Variants in CYTH3 observed in about 807,000 individuals in gnomAD.
The protein encoded by CYTH3 is cytohesin 3, also known as cytohesin-3.
A neutral mutation model predicts 55.1 loss-of-function variants in CYTH3; 23 were observed. The ratio of observed to expected loss-of-function variants is 0.42; its 90% CI spans 0.30 to 0.59. CYTH3 has a LOEUF of 0.59. CYTH3 is among the 20% of genes least tolerant of loss of function. CYTH3 has a pLI of 0.20. For missense variants in CYTH3, 413 were observed against 524.8 expected (o/e 0.79, Z 2.08); for synonymous variants, 249 against 194.9 (o/e 1.28, Z -2.31).
At chr7:6,240,134 C>G (rs111883070) in intron 1 of CYTH3, among the ~76,000 whole-genome samples, 112 of 152,008 alleles carry the variant, frequency 7.4e-4, no homozygotes, top group African/African-American at 2.5e-3. Context: ...AGTGAAACCT[C>G]GTCTCTACTA....
intron 1 of CYTH3, among the ~76,000 whole-genome samples, chr7:6,264,757 A>T (rs1197413154): frequency 6.6e-6 from 1 of 152,268 alleles, no homozygotes; most frequent in Non-Finnish European, 1.5e-5. Context: ...TTTATTAACA[A>T]ATATTTACTG....
At chr7:6,166,881 T>C (rs1783025603) in intron 9 of CYTH3, among the ~76,000 whole-genome samples, 1 of 152,014 alleles carries the variant, frequency 6.6e-6, no homozygotes, top group South Asian at 2.1e-4. Context: ...GTTCCTCCTC[T>C]CCCCACAGGC....
At chr7:6,262,531 C>T (rs531032313) in intron 1 of CYTH3, among the ~76,000 whole-genome samples, 1 of 152,168 alleles carries the variant, frequency 6.6e-6, no homozygotes, top group African/African-American at 2.4e-5. Flanking sequence ...GACTTCTCCA[C>T]AGAATCAGTG....
At position 6,205,203 on chromosome 7, in the gene CYTH3, T is replaced by G. The variant is rs542665541; in HGVS notation, c.35-14672A>C. ...AAAAACAGTGACCAGGAAAACCCAT[T>G]TGTTTGGAAATTAAATTAAGAAACA... On this transcript the variant is annotated intron_variant, in intron 1 of 12. Coordinates refer to ENST00000350796, the MANE Select transcript of CYTH3 (RefSeq NM_004227.4). Among the ~76,000 whole-genome samples, 74 of 151,940 alleles carry G rather than the reference T, an allele frequency of 4.9e-4. 1 individual carries two copies. Among genetic ancestry groups the G allele is most frequent in the African/African-American group, 1.7e-3 (69 of 41,442 alleles).
Position 6,187,130 on chromosome 7 carries a change from A to G in CYTH3, c.183-14T>C, listed in dbSNP as rs760577550. 4 of 1,613,234 alleles carry G rather than the reference A, an allele frequency of 2.5e-6. No individual in the cohort carries two copies. The highest frequency in any genetic ancestry group is 2.2e-5 in the East Asian group (1 of 44,870). ...TGAGTCGTTTTGCTATTGGTGTGAA[A>G]TAATTTAAAAATCACTCATGCTGTT... On this transcript the variant is annotated splice_polypyrimidine_tract_variant and intron_variant, in intron 3 of 12. Coordinates refer to ENST00000350796, the MANE Select transcript of CYTH3 (RefSeq NM_004227.4).
rs2128533816 is a variant in CYTH3 at position 6,162,277 on chromosome 7, C to G, written c.*2667G>C. On this transcript the variant is annotated 3_prime_UTR_variant, in exon 13 of 13. Transcript: ENST00000350796. ...AAACTCAAATATGAACCAGGGCGGCCAGCAAGACAGGCTGGAAGGGCTGTG... is the reference window on the plus strand; with the variant it reads ...AAACTCAAATATGAACCAGGGCGGCGAGCAAGACAGGCTGGAAGGGCTGTG... 1 of 152,386 alleles carries G rather than the reference C, an allele frequency of 6.6e-6. No individual in the cohort carries two copies. The highest frequency in any genetic ancestry group is 1.5e-5 in the Non-Finnish European group (1 of 68,036). The allele number at this position is 152,386 out of a possible 1,614,324, so 9.4% of individuals were successfully genotyped here.
At chr7:6,260,670 C>T (rs1184823511) in intron 1 of CYTH3, among the ~76,000 whole-genome samples, 1 of 152,114 alleles carries the variant, frequency 6.6e-6, no homozygotes, top group Non-Finnish European at 1.5e-5. Context: ...CACAGCTGAT[C>T]GATCACTCCT....
intron 1 of CYTH3, among the ~76,000 whole-genome samples, chr7:6,191,453 A>C (rs1583767122): frequency 6.6e-6 from 1 of 152,340 alleles, no homozygotes; most frequent in East Asian, 1.9e-4. Context: ...AAATAAAAGC[A>C]GATTGTATGT....
intron 1 of CYTH3, among the ~76,000 whole-genome samples, chr7:6,236,424 G>A (rs1372324896): frequency 1.3e-5 from 2 of 150,274 alleles, no homozygotes; most frequent in Non-Finnish European, 3.0e-5. Context: ...TGCCCAGGCT[G>A]GTCTTGAACT....
chr7:6,184,312 A>C (rs918412205), intron 4 of CYTH3, among the ~76,000 whole-genome samples: 2 of 151,044 alleles, frequency 1.3e-5, no homozygotes, highest in Admixed American at 6.6e-5. Flanking sequence ...CACCCGCCTC[A>C]GCCTCCCAAA....
rs943192950 is a variant in CYTH3 at position 6,170,444 on chromosome 7, G to GGC, written c.823+89_823+90dup. ...TTTAACGTCTCTGCCTGCGGTGGGGGGCATTCCTACGATGAGCCTGGGAGG... is the reference window on the plus strand; with the variant it reads ...TTTAACGTCTCTGCCTGCGGTGGGGGGCGCATTCCTACGATGAGCCTGGGAGG... On this transcript the variant is annotated intron_variant, in intron 9 of 12. Transcript: ENST00000350796. The surrounding 1 kb of genome is among the most constrained non-coding windows in gnomAD (Gnocchi z 7.8). The GGC allele has an allele frequency of 2.7e-4, 318 of 1,171,986 alleles. 1 individual carries two copies. The highest frequency in any genetic ancestry group is 8.0e-4 in the South Asian group (56 of 69,664). The allele number at this position is 1,171,986 out of a possible 1,614,324, so 72.6% of individuals were successfully genotyped here. A position where few individuals can be genotyped will look rare whatever the true frequency, so the allele number is the denominator to read the frequency against.
chr7:6,264,370 G>T (rs548931697), intron 1 of CYTH3, among the ~76,000 whole-genome samples: 4 of 152,336 alleles, frequency 2.6e-5, no homozygotes, highest in African/African-American at 9.6e-5. Flanking sequence ...CAAGCACTTT[G>T]GGAGGCCAAA....
In CYTH3 at chr7:6,211,930, G is replaced by C. The variant is rs189519662; in HGVS notation, c.35-21399C>G. Among the ~76,000 whole-genome samples, 340 of 152,252 alleles carry C rather than the reference G, an allele frequency of 2.2e-3. 1 individual carries two copies. The highest frequency in any genetic ancestry group is 4.2e-3 in the South Asian group (20 of 4,806). The stretch of plus-strand genomic sequence containing the variant: ...GAACCCAGGAGGTGAAGGTTGCAGT[G>C]AGCTGAGATTGTGCCACTGCACTCC... On this transcript the variant is annotated intron_variant, in intron 1 of 12. Coordinates refer to ENST00000350796, the MANE Select transcript of CYTH3 (RefSeq NM_004227.4).
chr7:6,272,203 C>G (rs1780681326), intron 1 of CYTH3, among the ~76,000 whole-genome samples: 2 of 151,950 alleles, frequency 1.3e-5, no homozygotes, highest in African/African-American at 4.8e-5. Flanking sequence ...GCCCGAGACT[C>G]CGGGGCGACC....
chr7:6,176,253 G>GGTT (rs1783346279), intron 5 of CYTH3, among the ~76,000 whole-genome samples: 1 of 124,230 alleles, frequency 8.0e-6, no homozygotes, highest in African/African-American at 3.2e-5. Context: ...AAATACAATT[G>GGTT]ATTTTTTTTT....
intron 1 of CYTH3, among the ~76,000 whole-genome samples, chr7:6,258,008 A>G (rs1780174037): frequency 6.6e-6 from 1 of 152,192 alleles, no homozygotes; most frequent in Non-Finnish European, 1.5e-5. Context: ...GTCTAGCATA[A>G]GAAATGCAAC....
At position 6,169,502 on chromosome 7, in the gene CYTH3, C is replaced by T. The variant is rs574873618; in HGVS notation, c.823+1033G>A. ...CTAGGATTACACACATGAGCCACTGCACCCGGCTGATAAAATTTTTAAAAA... is the reference window on the plus strand; with the variant it reads ...CTAGGATTACACACATGAGCCACTGTACCCGGCTGATAAAATTTTTAAAAA... On this transcript the variant is annotated intron_variant, in intron 9 of 12. Transcript: ENST00000350796. The surrounding 1 kb of genome is among the most constrained non-coding windows in gnomAD (Gnocchi z 4.1). Among the ~76,000 whole-genome samples the T allele has an allele frequency of 2.6e-5, 4 of 152,162 alleles. No individual in the cohort carries two copies. Among genetic ancestry groups the T allele is most frequent in the Non-Finnish European group, 5.9e-5 (4 of 68,038 alleles).
At chr7:6,244,980 T>A (rs1357240372) in intron 1 of CYTH3, among the ~76,000 whole-genome samples, 3 of 130,036 alleles carry the variant, frequency 2.3e-5, no homozygotes, top group African/African-American at 8.5e-5. Context: ...TTTTTTTTTT[T>A]TTTTTTTTTT....
At chr7:6,190,099 C>A (rs1285948203) in intron 2 of CYTH3, among the ~76,000 whole-genome samples, 1 of 152,108 alleles carries the variant, frequency 6.6e-6, no homozygotes, top group Non-Finnish European at 1.5e-5. Flanking sequence ...GGTCTCAGTG[C>A]ACAATTTGAC....
Sources: gnomAD v4.1 joint callset for allele counts (sites outside exome capture counted in the v4.1 genomes callset) on GRCh38, gnomAD v4.1.1 for gene constraint, Gnocchi (gnomAD v3.1) non-coding constraint, MANE v1.5 for transcripts, NCBI Gene and HGNC (gene_info 2026-07-23, HGNC 2026-07-21) for gene names.